ROBO2: variants seen among roughly 807,000 people sequenced by gnomAD.
The protein encoded by ROBO2 is roundabout guidance receptor 2.
In ROBO2, 53 loss-of-function variants were observed where a neutral mutation model predicts 160.8. The observed-to-expected ratio is 0.33, with a 90% CI of 0.26 to 0.41. ROBO2 has a LOEUF of 0.41. Among genes scored for constraint, ROBO2 ranks in the 10% least tolerant of loss-of-function variants. The pLI is 1.00. For missense variants in ROBO2, 1,577 were observed against 1,722.4 expected (o/e 0.92, Z 1.49); for synonymous variants, 664 against 611.7 (o/e 1.09, Z -1.26).
intron 2 of ROBO2, among the ~76,000 whole-genome samples, chr3:76,074,836 A>G (rs2068590408): frequency 6.6e-6 from 1 of 152,216 alleles, no homozygotes; most frequent in African/African-American, 2.4e-5. Context: ...GACACAACAT[A>G]AATTGATCAA....
At chr3:76,135,309 G>A (rs1382633869) in intron 2 of ROBO2, among the ~76,000 whole-genome samples, 1 of 152,018 alleles carries the variant, frequency 6.6e-6, no homozygotes, top group East Asian at 1.9e-4. Context: ...TACTGATAGA[G>A]GGCCCCCTTG....
At chr3:76,002,767 A>G (rs567365563) in intron 2 of ROBO2, among the ~76,000 whole-genome samples, 2 of 152,034 alleles carry the variant, frequency 1.3e-5, no homozygotes, top group African/African-American at 4.8e-5. Flanking sequence ...TAGGAGAGAG[A>G]CTTCTCTGGA....
At chr3:75,932,840 C>T (rs1306000199) in intron 1 of ROBO2, among the ~76,000 whole-genome samples, 1 of 152,140 alleles carries the variant, frequency 6.6e-6, no homozygotes, top group Non-Finnish European at 1.5e-5. Context: ...TGTCTGTGCT[C>T]TTCATTCTAA....
chr3:76,585,666 G>C lies in ROBO2; in HGVS notation c.110-512348G>C, dbSNP rs369398655. Among the ~76,000 whole-genome samples the C allele has an allele frequency of 2.8e-4, 42 of 152,258 alleles. 2 individuals carry two copies. The highest frequency in any genetic ancestry group is 2.7e-3 in the South Asian group (13 of 4,824). On this transcript the variant is annotated intron_variant, in intron 2 of 26. Transcript: ENST00000487694. ...ATTAACCAAAACATGTTGTTATTAA[G>C]AAGGGAAGGGAAGACAAGGGGGTAT... is the stretch of plus-strand genomic sequence containing the variant.
intron 2 of ROBO2, among the ~76,000 whole-genome samples, chr3:75,959,744 A>G (rs1028134958): frequency 6.6e-6 from 1 of 151,772 alleles, no homozygotes; most frequent in African/African-American, 2.4e-5. Context: ...AAAATTCTCA[A>G]TAATATTTTA....
At chr3:76,359,811 GA>G (rs1310583022) in intron 2 of ROBO2, among the ~76,000 whole-genome samples, 1 of 151,598 alleles carries the variant, frequency 6.6e-6, no homozygotes, top group Non-Finnish European at 1.5e-5. Context: ...GCTTTTTCTT[GA>G]GTGATTGTAC....
intron 2 of ROBO2, among the ~76,000 whole-genome samples, chr3:76,655,780 G>C (rs1246176156): frequency 6.7e-6 from 1 of 148,350 alleles, no homozygotes; most frequent in Non-Finnish European, 1.5e-5. Flanking sequence ...AAGGAAGGAA[G>C]GGATGAAGGG....
intron 2 of ROBO2, among the ~76,000 whole-genome samples, chr3:76,520,718 A>T (rs551846512): frequency 6.6e-6 from 1 of 152,344 alleles, no homozygotes; most frequent in African/African-American, 2.4e-5. Context: ...AATTTGCATA[A>T]ATCAAATAAT....
intron 2 of ROBO2, among the ~76,000 whole-genome samples, chr3:77,122,912 C>T (rs1327722096): frequency 6.6e-6 from 1 of 152,134 alleles, no homozygotes; most frequent in Non-Finnish European, 1.5e-5. Context: ...TTCACTGCTT[C>T]CAACATACAG....
chr3:77,641,336 A>C (rs891507647), intron 24 of ROBO2, among the ~76,000 whole-genome samples: 1 of 152,234 alleles, frequency 6.6e-6, no homozygotes, highest in African/African-American at 2.4e-5. Flanking sequence ...TGCTCCAGAG[A>C]CCAACATTAT....
chr3:77,497,353 T>C (rs772042111), intron 5 of ROBO2, among the ~76,000 whole-genome samples: 9 of 152,152 alleles, frequency 5.9e-5, no homozygotes, highest in Non-Finnish European at 1.0e-4. Flanking sequence ...TAGTTTATAA[T>C]GATTATGATT....
chr3:76,541,841 GTTCAAAACAGCC>G (rs1476335219), intron 2 of ROBO2, among the ~76,000 whole-genome samples: 1 of 152,050 alleles, frequency 6.6e-6, no homozygotes, highest in Non-Finnish European at 1.5e-5. Context: ...TCACAACTTT[GTTCAAAACAGCC>G]TCCAGGCTTC....
At chr3:76,867,066 G>A (rs1021066861) in intron 2 of ROBO2, among the ~76,000 whole-genome samples, 2 of 152,144 alleles carry the variant, frequency 1.3e-5, no homozygotes, top group African/African-American at 2.4e-5. Context: ...TTTAAGCAAG[G>A]AAAAGGGGAG....
chr3:76,449,692 T>C (rs941496654), intron 2 of ROBO2, among the ~76,000 whole-genome samples: 4 of 152,158 alleles, frequency 2.6e-5, no homozygotes, highest in Non-Finnish European at 5.9e-5. Context: ...ATCTATGATA[T>C]AATCTTTAGA....
intron 1 of ROBO2, chr3:77,092,254 T>G (rs958998348): frequency 6.6e-6 from 1 of 151,460 alleles, no homozygotes; most frequent in African/African-American, 2.4e-5. Flanking sequence ...CTAGCGACAT[T>G]CATGTGATAC....
intron 2 of ROBO2, among the ~76,000 whole-genome samples, chr3:76,019,843 T>C (rs1219749196): frequency 2.6e-5 from 4 of 151,826 alleles, no homozygotes; most frequent in Non-Finnish European, 4.4e-5. Context: ...GAGAATACTG[T>C]GTGTTCCTTG....
At chr3:77,556,042 G>T (rs2093106896) in intron 8 of ROBO2, among the ~76,000 whole-genome samples, 1 of 150,802 alleles carries the variant, frequency 6.6e-6, no homozygotes, top group Non-Finnish European at 1.5e-5. Context: ...CAGGTTATAA[G>T]AAGTTACCTG....
chr3:76,766,919 T>G (rs2108451457), intron 2 of ROBO2, among the ~76,000 whole-genome samples: 2 of 151,698 alleles, frequency 1.3e-5, no homozygotes, highest in Middle Eastern at 6.8e-3. Flanking sequence ...GAAAAGCAAG[T>G]TAGCTTACGT....
At chr3:77,124,314 A>G (rs932912279) in intron 2 of ROBO2, among the ~76,000 whole-genome samples, 1 of 152,202 alleles carries the variant, frequency 6.6e-6, no homozygotes, top group African/African-American at 2.4e-5. Context: ...GGAGCATATC[A>G]GAAGGAAATA....
Sources: allele counts gnomAD v4.1 joint callset (sites outside exome capture counted in the v4.1 genomes callset), GRCh38; gene constraint gnomAD v4.1.1; transcripts MANE v1.5; gene names NCBI Gene and HGNC (gene_info 2026-07-23, HGNC 2026-07-21).